The following FASTKD1 variants were observed in gnomAD, a reference collection of about 807,000 sequenced individuals.
FASTKD1 encodes the protein FAST kinase domain-containing protein 1, mitochondrial.
FASTKD1 carries 94 observed loss-of-function variants against 90.9 expected under a neutral mutation model. The ratio of observed to expected loss-of-function variants is 1.03; its 90% CI spans 0.88 to 1.23. FASTKD1 has a LOEUF of 1.23. FASTKD1 is among the 50% of genes most tolerant of loss of function. The pLI is 0.00. For missense variants in FASTKD1, 945 were observed against 993.5 expected (o/e 0.95, Z 0.66); for synonymous variants, 319 against 345.8 (o/e 0.92, Z 0.86).
At position 169,537,246 on chromosome 2, in the gene FASTKD1, C is replaced by T. The variant is rs1021978977; in HGVS notation, c.2169G>A (p.Thr723=). ...ACTTACCTACTTTGTGGTAATAAGG[C>T]GTAAGAACCGAGGCTTTTACACAAT... ...GINCVKASVL[T]PYYHKVDFEC... Residue 723 remains threonine (T), a synonymous_variant, in exon 12 of 15, where the codon ACG becomes ACA. Coordinates refer to ENST00000453153, the MANE Select transcript of FASTKD1 (RefSeq NM_024622.6). 16 of 1,606,908 alleles carry T rather than the reference C, an allele frequency of 1.0e-5. No individual in the cohort carries two copies. Among genetic ancestry groups the T allele is most frequent in the East Asian group, 4.5e-5 (2 of 44,794 alleles).
chr2:169,552,027 T>C lies in FASTKD1; in HGVS notation c.1214+3097A>G, dbSNP rs142703576. On this transcript the variant is annotated intron_variant, in intron 7 of 14. Transcript: ENST00000453153. The stretch of plus-strand genomic sequence containing the variant: ...GAGCTGTTTCAGGACCTAGGACCTA[T>C]TTACATAAGAATTTATGTAAATTAT... 3.1e-3 allele frequency among the ~76,000 whole-genome samples: 479 copies of C among 152,330 alleles called. 3 individuals are homozygous for C. Among genetic ancestry groups the C allele is most frequent in the African/African-American group, 0.011 (446 of 41,570 alleles).
chr2:169,562,021 T>TTAATTATCCATTAATTTATTGTAAAA (rs1683694750), intron 4 of FASTKD1, among the ~76,000 whole-genome samples: 1 of 117,854 alleles, frequency 8.5e-6, no homozygotes, highest in Non-Finnish European at 1.8e-5. Flanking sequence ...TTATTGTAAA[T>TTAATTATCCATTAATTTATTGTAAAA]TAATTATTTA....
intron 12 of FASTKD1, among the ~76,000 whole-genome samples, chr2:169,532,006 T>C (rs1012805681): frequency 3.9e-4 from 60 of 152,144 alleles, no homozygotes; most frequent in African/African-American, 1.4e-3. Flanking sequence ...GAATGATGGA[T>C]TTAGGCAATG....
Position 169,563,103 on chromosome 2 carries a change from C to T in FASTKD1, c.572+122G>A, listed in dbSNP as rs531982690. On this transcript the variant is annotated intron_variant, in intron 4 of 14. Transcript: ENST00000453153. ...ATCCCTCTTTTGCAGATGAGGATAA[C>T]GAACTTCCAAGAGCTTAAGTAACCT... The T allele has an allele frequency of 4.7e-5, 43 of 908,686 alleles. No individual in the cohort carries two copies. In the African/African-American group the frequency reaches 5.3e-4, roughly 11 times the overall value. The allele number at this position is 908,686 out of a possible 1,614,324, so 56.3% of individuals were successfully genotyped here. A position where few individuals can be genotyped will look rare whatever the true frequency, so the allele number is the denominator to read the frequency against.
At chr2:169,560,953 G>A (rs1415026440) in intron 4 of FASTKD1, among the ~76,000 whole-genome samples, 168 bp from the exon 5 acceptor site, 1 of 148,118 alleles carries the variant, frequency 6.8e-6, no homozygotes, top group Non-Finnish European at 1.5e-5. Flanking sequence ...AAAGTGCTGG[G>A]ATTACAGGCA....
chr2:169,532,561 A>G (rs1414211481), intron 12 of FASTKD1, among the ~76,000 whole-genome samples: 2 of 152,152 alleles, frequency 1.3e-5, no homozygotes. Flanking sequence ...TCTAGATATC[A>G]CTAATGGTTT....
At chr2:169,560,259 A>C in intron 5 of FASTKD1, 128 bp downstream of exon 5, 1 of 602,870 alleles carries the variant, frequency 1.7e-6, no homozygotes, top group African/African-American at 1.9e-5. Flanking sequence ...GCAGAGCATA[A>C]GAGATTATTT....
intron 14 of FASTKD1, 46 bp downstream of exon 14, chr2:169,530,541 G>T: frequency 9.6e-7 from 1 of 1,045,058 alleles, no homozygotes. Context: ...TGTACAGCTA[G>T]TGTCTCTGGG....
chr2:169,560,159 G>T, intron 5 of FASTKD1: 1 of 284,380 alleles, frequency 3.5e-6, no homozygotes, highest in Non-Finnish European at 6.5e-6. Context: ...TTTTCATGTT[G>T]GCCCAGTATC....
At chr2:169,569,021 A>C (rs1452660969) in intron 3 of FASTKD1, among the ~76,000 whole-genome samples, 163 bp downstream of exon 3, 4 of 151,984 alleles carry the variant, frequency 2.6e-5, no homozygotes, top group East Asian at 3.9e-4. Context: ...AAAAACAACA[A>C]CACATTACAC....
In FASTKD1 at chr2:169,560,506, T is replaced by C. The variant is rs542057757; in HGVS notation, c.852A>G (p.Glu284=). 2.0e-5 allele frequency: 32 copies of C among 1,603,536 alleles called. No individual in the cohort carries two copies. The East Asian group carries it at 6.9e-4, about 35-fold the overall frequency. ...VYKFLQFNSF[E]FIIMAKKKLT... The stretch of plus-strand genomic sequence containing the variant: ...GCTTCTTTTTAGCCATTATAATAAA[T>C]TCAAAACTATTAAATTGTAGAAATT... The change falls in exon 5 of 15, where the codon GAA becomes GAG. Residue 284 remains glutamate (E), a synonymous_variant. Coordinates refer to ENST00000453153, the MANE Select transcript of FASTKD1 (RefSeq NM_024622.6).
intron 14 of FASTKD1, 46 bp from the exon 15 acceptor site, chr2:169,529,972 C>A (rs1559135216): frequency 3.0e-6 from 4 of 1,337,084 alleles, no homozygotes; most frequent in Admixed American, 3.7e-5. Flanking sequence ...AAAGCAACAA[C>A]AAAAAACATT....
intron 4 of FASTKD1, among the ~76,000 whole-genome samples, chr2:169,561,167 G>A (rs1036407634): frequency 2.6e-5 from 4 of 151,138 alleles, no homozygotes; most frequent in Admixed American, 1.3e-4. Context: ...ATGTGGTGGC[G>A]AGCACCTGTA....
intron 9 of FASTKD1, among the ~76,000 whole-genome samples, chr2:169,540,571 C>A (rs914005337): frequency 1.3e-5 from 2 of 152,270 alleles, no homozygotes; most frequent in East Asian, 3.9e-4. Context: ...AAGAAGTGAT[C>A]CCAGTGTTGA....
chr2:169,554,219 C>T (rs1370478643), intron 7 of FASTKD1, among the ~76,000 whole-genome samples: 2 of 118,758 alleles, frequency 1.7e-5, no homozygotes, highest in South Asian at 2.9e-4. Context: ...GATTGGCTGC[C>T]GTGAGCTATG....
At chr2:169,551,148 C>T (rs935218943) in intron 7 of FASTKD1, among the ~76,000 whole-genome samples, 2 of 152,064 alleles carry the variant, frequency 1.3e-5, no homozygotes, top group Admixed American at 6.6e-5. Flanking sequence ...AGTGTTGGCA[C>T]GGATATGGAG....
At chr2:169,558,261 T>C (rs2105401389) in intron 5 of FASTKD1, among the ~76,000 whole-genome samples, 1 of 152,330 alleles carries the variant, frequency 6.6e-6, no homozygotes, top group Non-Finnish European at 1.5e-5. Context: ...TTCGTGTGTG[T>C]GTTTCTTCGT....
chr2:169,529,802 A>T lies in FASTKD1; in HGVS notation c.*23T>A. 2 of 1,512,248 alleles carry T rather than the reference A, an allele frequency of 1.3e-6. No homozygotes were observed. The highest frequency in any genetic ancestry group is 1.8e-6 in the Non-Finnish European group (2 of 1,095,598). 93.7% of individuals were successfully genotyped at this position (1,512,248 alleles called of 1,614,324 possible). On this transcript the variant is annotated 3_prime_UTR_variant, in exon 15 of 15. Coordinates refer to ENST00000453153, the MANE Select transcript of FASTKD1 (RefSeq NM_024622.6). Reference sequence around the variant, plus strand: ...AAAATAGGTCCAAATGTAACACACGATAACATTCATTTTAAATAAAAACTA... The same window carrying T: ...AAAATAGGTCCAAATGTAACACACGTTAACATTCATTTTAAATAAAAACTA...
At chr2:169,561,063 C>T (rs539894732) in intron 4 of FASTKD1, among the ~76,000 whole-genome samples, 1 of 150,574 alleles carries the variant, frequency 6.6e-6, no homozygotes, top group East Asian at 2.0e-4. Flanking sequence ...CTTTGGGAGG[C>T]CGAGGTGGGC....
Sources: allele counts gnomAD v4.1 joint callset (sites outside exome capture counted in the v4.1 genomes callset), GRCh38; gene constraint gnomAD v4.1.1; transcripts MANE v1.5; gene names NCBI Gene and HGNC (gene_info 2026-07-23, HGNC 2026-07-21).